The following VCP variants were observed in gnomAD, a reference collection of about 807,000 sequenced individuals.
The protein encoded by VCP is valosin containing protein.
VCP carries 6 observed loss-of-function variants against 85.7 expected under a neutral mutation model. The ratio of observed to expected loss-of-function variants is 0.07; its 90% CI spans 0.04 to 0.14. The LOEUF (loss-of-function observed/expected upper bound fraction) is 0.14. VCP is among the 10% of genes least tolerant of loss of function. The pLI, the probability that VCP is intolerant of heterozygous loss-of-function variation, is 1.00. For missense variants in VCP, 353 were observed against 1,043.4 expected (o/e 0.34, Z 9.12); for synonymous variants, 384 against 367.1 (o/e 1.05, Z -0.53).
chr9:35,067,764 T>G, intron 3 of VCP, 127 bp downstream of exon 3: 1 of 1,265,426 alleles, frequency 7.9e-7, no homozygotes, highest in Non-Finnish European at 1.1e-6. Context: ...AGTCTTCCCA[T>G]GACCAGGAGG....
intron 1 of VCP, among the ~76,000 whole-genome samples, chr9:35,069,444 CTTTTTTTT>C (rs35498216): frequency 6.2e-5 from 6 of 96,112 alleles, no homozygotes; most frequent in East Asian, 2.6e-4. Context: ...CTCCCTCTCC[CTTTTTTTT>C]TTTTTTTTTT....
chr9:35,063,205 C>A, intron 6 of VCP, 125 bp from the exon 7 acceptor site: 1 of 813,388 alleles, frequency 1.2e-6, no homozygotes, highest in South Asian at 1.4e-5. Context: ...ATAAGCCCTC[C>A]GCAGTAAATG....
intron 1 of VCP, among the ~76,000 whole-genome samples, chr9:35,070,589 A>G (rs746863687): frequency 1.1e-4 from 16 of 151,874 alleles, no homozygotes; most frequent in Admixed American, 2.0e-4. Flanking sequence ...GTGCACCATC[A>G]CCATGCCTGG....
At position 35,072,424 on chromosome 9, in the gene VCP, G is replaced by T; in HGVS notation, c.-71C>A. The T allele has an allele frequency of 2.1e-6, 3 of 1,437,448 alleles. No homozygotes were observed. The highest frequency in any genetic ancestry group is 2.8e-5 in the South Asian group (2 of 72,110). 89.0% of individuals were successfully genotyped at this position (1,437,448 alleles called of 1,614,324 possible). ...CGGCTACGAGCGGTGGCAAGCGACCGACTGGGCCGGGGCTCGGCTCTTCCA... is the reference window on the plus strand; with the variant it reads ...CGGCTACGAGCGGTGGCAAGCGACCTACTGGGCCGGGGCTCGGCTCTTCCA... On this transcript the variant is annotated 5_prime_UTR_variant, in exon 1 of 17. Coordinates refer to ENST00000358901, the MANE Select transcript of VCP (RefSeq NM_007126.5).
chr9:35,060,765 T>C, intron 12 of VCP, 36 bp downstream of exon 12: 1 of 1,613,996 alleles, frequency 6.2e-7, no homozygotes, highest in Non-Finnish European at 8.5e-7. Flanking sequence ...TACAATGTAC[T>C]GAGACAGTGA....
Position 35,068,044 on chromosome 9 carries a change from T to G in VCP, c.149A>C (p.Gln50Pro). 1 of 1,614,250 alleles carries G rather than the reference T, an allele frequency of 6.2e-7. No individual in the cohort carries two copies. Among genetic ancestry groups the G allele is most frequent in the Non-Finnish European group, 8.5e-7 (1 of 1,180,054 alleles). The part of the protein sequence containing the change: ...SLSQPKMDEL[Q>P]LFRGDTVLLK... ...CAACACTGTGTCACCTCGGAACAACTGCAATTCATCCATCTTGGGCTGAGG... is the reference window on the plus strand; with the variant it reads ...CAACACTGTGTCACCTCGGAACAACGGCAATTCATCCATCTTGGGCTGAGG... Residue 50 changes from glutamine (Q) to proline (P), a missense_variant, in exon 3 of 17, where the codon CAG becomes CCG. By Grantham distance (76) the Gln-to-Pro change is moderately conservative (BLOSUM62 -1). Around this residue, in one of 8 missense-constraint regions of VCP, gnomAD observed 69 missense variants for 132.9 expected, o/e 0.52. Coordinates refer to ENST00000358901, the MANE Select transcript of VCP (RefSeq NM_007126.5).
intron 12 of VCP, 37 bp downstream of exon 12, chr9:35,060,764 C>T: frequency 1.2e-6 from 2 of 1,614,090 alleles, no homozygotes; most frequent in Non-Finnish European, 1.7e-6. Flanking sequence ...TTACAATGTA[C>T]TGAGACAGTG....
chr9:35,071,776 G>A (rs7871782), intron 1 of VCP: 51,916 of 988,204 alleles, frequency 0.053, 1,903 homozygotes, highest in East Asian at 0.31. Flanking sequence ...CGCCGACCCG[G>A]CTCCAAAAAG....
At chr9:35,072,203 C>T (rs964426509) in intron 1 of VCP, 134 bp downstream of exon 1, 7 of 1,440,760 alleles carry the variant, frequency 4.9e-6, no homozygotes, top group East Asian at 3.0e-5. Flanking sequence ...CCTCACTCGC[C>T]CCCTAGCTTC....
intron 1 of VCP, among the ~76,000 whole-genome samples, chr9:35,071,302 T>G (rs1013852314): frequency 4.6e-5 from 6 of 130,080 alleles, no homozygotes; most frequent in African/African-American, 1.8e-4. Flanking sequence ...TGTTTTTTTT[T>G]TTTTTTTTTT....
intron 7 of VCP, 150 bp from the exon 8 acceptor site, chr9:35,062,500 T>C (rs1322054344): frequency 4.7e-6 from 6 of 1,287,864 alleles, no homozygotes; most frequent in African/African-American, 1.5e-5. Flanking sequence ...CTACCAGCCA[T>C]TATCCCAGGA....
Position 35,059,518 on chromosome 9 carries a change from T to C in VCP, c.1979A>G (p.Asn660Ser). 6 of 1,614,098 alleles carry C rather than the reference T, an allele frequency of 3.7e-6. No homozygotes were observed. Among genetic ancestry groups the C allele is most frequent in the Non-Finnish European group, 5.1e-6 (6 of 1,180,026 alleles). The change falls in exon 14 of 17, where the codon AAC becomes AGC. Residue 660 changes from asparagine (N) to serine (S), a missense_variant. By Grantham distance (46) the Asn-to-Ser change is conservative (BLOSUM62 1). Coordinates refer to ENST00000358901, the MANE Select transcript of VCP (RefSeq NM_007126.5). This position sits in a 1 kb window ranked among gnomAD's most constrained non-coding sequence, Gnocchi z 4.9. The part of the protein sequence containing the change: ...EKSRVAILKA[N>S]LRKSPVAKDV... ...CTTGGCAACTGGGGACTTGCGCAGG[T>C]TAGCCTTGAGGATGGCAACACGGGA...
intron 1 of VCP, among the ~76,000 whole-genome samples, chr9:35,071,269 A>C (rs1409895274): frequency 6.8e-6 from 1 of 147,124 alleles, no homozygotes; most frequent in Admixed American, 6.7e-5. Context: ...GGTAATTTGC[A>C]TAGAGTTTCC....
In VCP at chr9:35,072,359, G is replaced by A. The variant is rs1169401943; in HGVS notation, c.-6C>T. The A allele has an allele frequency of 2.0e-6, 3 of 1,480,006 alleles. No homozygotes were observed. The South Asian group carries it at 3.8e-5, about 19-fold the overall frequency. 91.7% of individuals were successfully genotyped at this position (1,480,006 alleles called of 1,614,324 possible). A position where few individuals can be genotyped will look rare whatever the true frequency, so the allele number is the denominator to read the frequency against. On this transcript the variant is annotated 5_prime_UTR_variant, in exon 1 of 17. Coordinates refer to ENST00000358901, the MANE Select transcript of VCP (RefSeq NM_007126.5). ...CACTCGGCTCCAGAAGCCATGGCGC[G>A]CGCCTCTCCCGGCCGGCGGCTGTGG...
At chr9:35,067,622 C>T (rs971706465) in intron 3 of VCP, among the ~76,000 whole-genome samples, 1 of 152,154 alleles carries the variant, frequency 6.6e-6, no homozygotes, top group Non-Finnish European at 1.5e-5. Context: ...TGATAAATTA[C>T]ACCTCTAGTA....
rs746810092 is a variant in VCP, at chr9:35,067,956, A to T, written c.237T>A (p.Asp79Glu). The change falls in exon 3 of 17, where the codon GAT becomes GAA. Residue 79 changes from aspartate (D) to glutamate (E), a missense_variant. By Grantham distance (45) the Asp-to-Glu change is conservative (BLOSUM62 2). Coordinates refer to ENST00000358901, the MANE Select transcript of VCP (RefSeq NM_007126.5). ...CAACTCTATTCATCCGAATCTTCTC[A>T]TCAGAACAAGTATCATCAGAAAGGA... ...CIVLSDDTCSDEKIRMNRVVR... is the reference protein window; with the variant it reads ...CIVLSDDTCSEEKIRMNRVVR... The T allele has an allele frequency of 3.7e-6, 6 of 1,614,124 alleles. No homozygotes were observed. The highest frequency in any genetic ancestry group is 5.1e-6 in the Non-Finnish European group (6 of 1,180,054).
chr9:35,060,699 T>C lies in VCP; in HGVS notation c.1482+102A>G. ...CTAAGAACAGTAGGTTCCTAAGTCG[T>C]GCTCTCACAACTCTTGCAGCAAATG... is the stretch of plus-strand genomic sequence containing the variant. On this transcript the variant is annotated intron_variant, in intron 12 of 16. Transcript: ENST00000358901. 7 of 1,603,160 alleles carry C rather than the reference T, an allele frequency of 4.4e-6. No homozygotes were observed. In the South Asian group the frequency reaches 5.5e-5, roughly 13 times the overall value.
chr9:35,064,797 C>T (rs142873785), intron 5 of VCP, among the ~76,000 whole-genome samples: 1 of 152,294 alleles, frequency 6.6e-6, no homozygotes, highest in Non-Finnish European at 1.5e-5. Context: ...ATCCAAGAAA[C>T]AATTAGGCCC....
At chr9:35,067,805 G>C (rs1828862116) in intron 3 of VCP, 86 bp downstream of exon 3, 1 of 1,563,330 alleles carries the variant, frequency 6.4e-7, no homozygotes, top group Non-Finnish European at 8.8e-7. Context: ...CAAGAACTTG[G>C]TCCTGCCTGT....
Sources: gnomAD v4.1 joint callset for allele counts (sites outside exome capture counted in the v4.1 genomes callset) on GRCh38, gnomAD v4.1.1 for gene constraint, gnomAD v4.1.1 regional missense constraint, Gnocchi (gnomAD v3.1) non-coding constraint, MANE v1.5 for transcripts, NCBI Gene and HGNC (gene_info 2026-07-23, HGNC 2026-07-21) for gene names.